The following COLEC10 variants were observed in gnomAD, a reference collection of about 807,000 sequenced individuals.
The protein encoded by COLEC10 is collectin-10.
COLEC10 carries 22 observed loss-of-function variants against 28.4 expected under a neutral mutation model. The observed-to-expected ratio is 0.78, with a 90% CI of 0.55 to 1.11. The LOEUF (loss-of-function observed/expected upper bound fraction) is 1.11, where lower values mean the gene tolerates loss of function less well. COLEC10 is among the 50% of genes least tolerant of loss of function. The probability of loss-of-function intolerance (pLI) is 0.00; values close to 1 mark genes in which losing one functional copy is unlikely to be tolerated. For missense variants in COLEC10, 361 were observed against 344.1 expected (o/e 1.05, Z -0.39); for synonymous variants, 125 against 116.1 (o/e 1.08, Z -0.49).
At chr8:119,051,990 G>T (rs577889065) in intron 2 of COLEC10, among the ~76,000 whole-genome samples, 1 of 152,016 alleles carries the variant, frequency 6.6e-6, no homozygotes, top group South Asian at 2.1e-4. Flanking sequence ...TTTTATTATG[G>T]CATACCAAAT....
intron 1 of COLEC10, among the ~76,000 whole-genome samples, chr8:118,998,217 A>G (rs1274013796): frequency 2.0e-5 from 3 of 152,210 alleles, no homozygotes; most frequent in Non-Finnish European, 4.4e-5. Flanking sequence ...TGAATTTAGA[A>G]GAAAGAAGTT....
intron 1 of COLEC10, among the ~76,000 whole-genome samples, chr8:119,085,593 CTTCTTCTTTTT>C (rs1815461387): frequency 1.1e-5 from 1 of 92,876 alleles, no homozygotes; most frequent in African/African-American, 4.5e-5. Context: ...CTTCTTTCTT[CTTCTTCTTTTT>C]TTTTTTTTTT....
At chr8:118,970,967 C>T in the COLEC10 span, among the ~76,000 whole-genome samples, 1 of 151,916 alleles carries the variant, frequency 6.6e-6, no homozygotes, top group Non-Finnish European at 1.5e-5. Context: ...TTTGTAATGG[C>T]CAAAGATCAA....
chr8:119,103,709 A>G lies in COLEC10; in HGVS notation c.347-91A>G, dbSNP rs1815883758. ...CAGATATATAGAACCAGACTAGAAA[A>G]AGATAGTGAATATTGGAAAGAGAGC... On this transcript the variant is annotated intron_variant, in intron 4 of 5. Transcript: ENST00000332843. The G allele has an allele frequency of 3.9e-6, 3 of 768,642 alleles. No individual in the cohort carries two copies. The South Asian group carries it at 4.7e-5, about 12-fold the overall frequency. The allele number at this position is 768,642 out of a possible 1,614,324, so 47.6% of individuals were successfully genotyped here. A position where few individuals can be genotyped will look rare whatever the true frequency, so the allele number is the denominator to read the frequency against.
chr8:119,068,273 C>T (rs1815014587), intron 1 of COLEC10: 1 of 152,088 alleles, frequency 6.6e-6, no homozygotes, highest in Admixed American at 6.6e-5. Context: ...ATACATTGCC[C>T]CATGCCTGTC....
chr8:118,990,970 A>G (rs1397375830), upstream of COLEC10, among the ~76,000 whole-genome samples: 1 of 147,916 alleles, frequency 6.8e-6, no homozygotes, highest in Non-Finnish European at 1.5e-5. Flanking sequence ...GGAATTAAAG[A>G]AAAAAAAAAC....
At chr8:119,005,818 G>A (rs575156270) in intron 1 of COLEC10, among the ~76,000 whole-genome samples, 3 of 152,156 alleles carry the variant, frequency 2.0e-5, no homozygotes, top group South Asian at 2.1e-4. Flanking sequence ...CACATGGGGT[G>A]GATTGTGATG....
At chr8:119,060,282 A>T (rs1397082015) in intron 2 of COLEC10, among the ~76,000 whole-genome samples, 1 of 152,174 alleles carries the variant, frequency 6.6e-6, no homozygotes, top group Non-Finnish European at 1.5e-5. Context: ...TTAACAGAAC[A>T]GAGAATTGTG....
chr8:119,064,138 A>G (rs1364101899), upstream of COLEC10, among the ~76,000 whole-genome samples: 1 of 152,214 alleles, frequency 6.6e-6, no homozygotes, highest in Non-Finnish European at 1.5e-5. Context: ...AAGACAATAT[A>G]CTTAACATAA....
the COLEC10 span, among the ~76,000 whole-genome samples, chr8:118,966,410 A>G: frequency 6.6e-6 from 1 of 152,196 alleles, no homozygotes; most frequent in Admixed American, 6.6e-5. Context: ...AAAGAATATT[A>G]CATTCAGAAA....
chr8:119,072,110 C>T (rs575598572), intron 1 of COLEC10, among the ~76,000 whole-genome samples: 99 of 152,318 alleles, frequency 6.5e-4, no homozygotes, highest in African/African-American at 1.2e-3. Flanking sequence ...GCCTTTCTGA[C>T]GCTTCTGAGG....
intron 2 of COLEC10, among the ~76,000 whole-genome samples, chr8:119,034,282 C>T (rs189679781): frequency 1.3e-5 from 2 of 152,158 alleles, no homozygotes; most frequent in South Asian, 2.1e-4. Context: ...GGAGAAATTC[C>T]TAATGTAGAT....
At chr8:119,093,112 A>G (rs945179048) in intron 3 of COLEC10, among the ~76,000 whole-genome samples, 2 of 152,186 alleles carry the variant, frequency 1.3e-5, no homozygotes, top group African/African-American at 4.8e-5. Context: ...CATGGGTAAT[A>G]TAATTTCTGT....
intron 1 of COLEC10, among the ~76,000 whole-genome samples, chr8:119,084,212 T>C (rs184530062): frequency 1.3e-5 from 2 of 152,318 alleles, no homozygotes; most frequent in African/African-American, 2.4e-5. Flanking sequence ...TTTCCAATTA[T>C]AGATAAGAAA....
At chr8:119,095,102 TATAG>T (rs1303254958) in intron 3 of COLEC10, among the ~76,000 whole-genome samples, 1 of 152,220 alleles carries the variant, frequency 6.6e-6, no homozygotes, top group African/African-American at 2.4e-5. Flanking sequence ...CAAAATAATC[TATAG>T]ATAATCTATT....
chr8:119,036,760 G>T (rs900994686), intron 2 of COLEC10, among the ~76,000 whole-genome samples: 1 of 152,160 alleles, frequency 6.6e-6, no homozygotes, highest in Non-Finnish European at 1.5e-5. Flanking sequence ...TATTTAAAAA[G>T]ATGCAGGCAG....
intron 2 of COLEC10, among the ~76,000 whole-genome samples, chr8:119,042,785 A>G (rs1384498072): frequency 2.6e-5 from 4 of 152,176 alleles, no homozygotes; most frequent in African/African-American, 9.7e-5. Context: ...TCTTCTAAAT[A>G]TTGCTTTGAG....
the COLEC10 span, among the ~76,000 whole-genome samples, chr8:118,969,191 T>A: frequency 2.2e-4 from 33 of 152,050 alleles, no homozygotes; most frequent in African/African-American, 7.9e-4. Context: ...TGGAAGCGAA[T>A]AAAGGAGAGA....
chr8:119,048,602 G>C (rs1392851109), intron 2 of COLEC10, among the ~76,000 whole-genome samples: 1 of 151,484 alleles, frequency 6.6e-6, no homozygotes, highest in East Asian at 1.9e-4. Flanking sequence ...TCCTTTTTTT[G>C]TCCTTCTTAA....
Sources: allele counts gnomAD v4.1 joint callset (sites outside exome capture counted in the v4.1 genomes callset), GRCh38; gene constraint gnomAD v4.1.1; transcripts MANE v1.5; gene names NCBI Gene and HGNC (gene_info 2026-07-23, HGNC 2026-07-21).